The following EPHA10 variants were observed in gnomAD, a reference collection of about 807,000 sequenced individuals.
EPHA10 encodes the protein ephrin type-A receptor 10.
In EPHA10, 120 loss-of-function variants were observed where a neutral mutation model predicts 109.7. That is an observed-to-expected ratio of 1.09 (90% CI 0.94 to 1.27). The LOEUF (loss-of-function observed/expected upper bound fraction) is 1.27. Among genes scored for constraint, EPHA10 ranks in the 50% most tolerant of loss-of-function variants. EPHA10 has a pLI of 0.00. For missense variants in EPHA10, 1,396 were observed against 1,411.1 expected (o/e 0.99, Z 0.17); for synonymous variants, 640 against 618.9 (o/e 1.03, Z -0.51).
Position 37,762,845 on chromosome 1 carries a change from G to T in EPHA10, c.111C>A (p.Ile37=), listed in dbSNP as rs1646444943. ...PWRPGTAEEV[I]LLDSKASQAE... ...CCTGGGAGGCTTTGGAATCCAGGAG[G>T]ATAACTAAGGAGAGGGGAAGACAGA... Residue 37 remains isoleucine (I), a synonymous_variant, in exon 2 of 17, where the codon ATC becomes ATA. Transcript: ENST00000373048. The T allele has an allele frequency of 1.3e-6, 2 of 1,551,882 alleles. No individual in the cohort carries two copies. The highest frequency in any genetic ancestry group is 1.4e-5 in the African/African-American group (1 of 73,132).
At chr1:37,759,126 T>C (rs1646412466) in intron 3 of EPHA10, among the ~76,000 whole-genome samples, 1 of 152,198 alleles carries the variant, frequency 6.6e-6, no homozygotes, top group African/African-American at 2.4e-5. Context: ...AATCCTTTCT[T>C]TGCAATTGCA....
chr1:37,718,336 C>T lies in EPHA10; in HGVS notation c.*36G>A. The stretch of plus-strand genomic sequence containing the variant: ...TTGGGCAGGGCTGGGGGACTGGACC[C>T]CCACCGGAGTCCTGCCTTGGAAGAA... On this transcript the variant is annotated 3_prime_UTR_variant, in exon 17 of 17. Transcript: ENST00000373048. The T allele has an allele frequency of 6.5e-7, 1 of 1,539,722 alleles. No homozygotes were observed. The highest frequency in any genetic ancestry group is 8.8e-7 in the Non-Finnish European group (1 of 1,131,942).
intron 5 of EPHA10, among the ~76,000 whole-genome samples, chr1:37,749,146 C>A (rs916320578): frequency 6.6e-6 from 1 of 150,934 alleles, no homozygotes; most frequent in Admixed American, 6.6e-5. Context: ...CTGGCTCAAA[C>A]TCCTGACCTC....
chr1:37,723,458 C>A, intron 8 of EPHA10, 86 bp from the exon 9 acceptor site: 2 of 1,463,264 alleles, frequency 1.4e-6, no homozygotes, highest in East Asian at 2.3e-5. Flanking sequence ...CCTCTTTGTC[C>A]CTTCAAAAGA....
Position 37,741,402 on chromosome 1 carries a change from C to T in EPHA10, c.1358-6012G>A, listed in dbSNP as rs978068418. Among the ~76,000 whole-genome samples the T allele has an allele frequency of 3.9e-5, 6 of 152,180 alleles. No homozygotes were observed. The East Asian group carries it at 7.7e-4, about 20-fold the overall frequency. ...TAGTAATAAAGCAAGAAAGTGGAAA[C>T]GGAGTAGGTGGCTCAGGCTCTGACA... On this transcript the variant is annotated intron_variant, in intron 5 of 16. Coordinates refer to ENST00000373048, the MANE Select transcript of EPHA10 (RefSeq NM_001099439.2).
At chr1:37,746,732 G>C (rs959203874) in intron 5 of EPHA10, among the ~76,000 whole-genome samples, 12 of 152,164 alleles carry the variant, frequency 7.9e-5, no homozygotes, top group African/African-American at 2.7e-4. Flanking sequence ...ATCAACTGAT[G>C]AATGGATAAG....
chr1:37,714,197 C>T (rs1645660666), downstream of EPHA10: 1 of 152,240 alleles, frequency 6.6e-6, no homozygotes, highest in Admixed American at 6.5e-5. Context: ...TTGCCCTAAG[C>T]ACTTTGCATG....
chr1:37,719,341 G>T, intron 15 of EPHA10, 73 bp downstream of exon 15: 1 of 1,535,710 alleles, frequency 6.5e-7, no homozygotes, highest in Non-Finnish European at 8.9e-7. Flanking sequence ...GAGGCGGTGG[G>T]TTTGCACTTG....
Position 37,717,686 on chromosome 1 carries a change from G to A in EPHA10, c.*686C>T, listed in dbSNP as rs2148299843. On this transcript the variant is annotated 3_prime_UTR_variant, in exon 17 of 17. Transcript: ENST00000373048. ...CCAGGGCCTCTCATGGCCCGGCCTGGCCAGGACTTTTGGCCTCACCCTGAA... is the reference window on the plus strand; with the variant it reads ...CCAGGGCCTCTCATGGCCCGGCCTGACCAGGACTTTTGGCCTCACCCTGAA... 4.3e-6 allele frequency: 1 copy of A among 231,536 alleles called. No homozygotes were observed. The highest frequency in any genetic ancestry group is 8.5e-6 in the Non-Finnish European group (1 of 117,034). 14.3% of individuals were successfully genotyped at this position (231,536 alleles called of 1,614,324 possible). A position where few individuals can be genotyped will look rare whatever the true frequency, so the allele number is the denominator to read the frequency against.
rs899546081 is a variant in EPHA10, at chr1:37,754,214, C to G, written c.1006+1G>C. 14 of 1,291,664 alleles carry G rather than the reference C, an allele frequency of 1.1e-5. No individual in the cohort carries two copies. The highest frequency in any genetic ancestry group is 9.9e-6 in the Non-Finnish European group (10 of 1,012,754). 80.0% of individuals were successfully genotyped at this position (1,291,664 alleles called of 1,614,324 possible). ...CAGTGCAGCCTGGAGGGGGGACTCA[C>G]GGGTGCAGGAAGCCGAGGGCGGGTC... On this transcript the variant is annotated splice_donor_variant, in intron 4 of 16. Transcript: ENST00000373048. LOFTEE classifies it high-confidence loss of function. The surrounding 1 kb of genome is among the most constrained non-coding windows in gnomAD (Gnocchi z 4.5).
rs774992843 is a variant in EPHA10, at chr1:37,719,567, G to A, written c.2603C>T (p.Pro868Leu). 6.2e-6 allele frequency: 10 copies of A among 1,613,678 alleles called. No individual in the cohort carries two copies. The highest frequency in any genetic ancestry group is 1.3e-5 in the African/African-American group (1 of 74,876). ...AVEDGFRLPP[P>L]RNCPNLLHRL... ...GTGCAGAAGGTTAGGACAGTTCCTG[G>A]GGGGTGGCAGCCGGAAGCCATCCTC... The change falls in exon 15 of 17, where the codon CCC (proline) becomes CTC (leucine). Residue 868 changes from proline to leucine, a missense_variant. Pro to Leu is a moderately conservative substitution (Grantham distance 98). Transcript: ENST00000373048.
downstream of EPHA10, among the ~76,000 whole-genome samples, chr1:37,714,264 C>T (rs770476144): frequency 2.4e-4 from 36 of 152,144 alleles, no homozygotes; most frequent in Non-Finnish European, 4.6e-4. Flanking sequence ...CATGAATGGC[C>T]CGGGCCAGGG....
Position 37,754,559 on chromosome 1 carries a change from C to T in EPHA10, c.851-189G>A, listed in dbSNP as rs1646377412. On this transcript the variant is annotated intron_variant, in intron 3 of 16. Coordinates refer to ENST00000373048, the MANE Select transcript of EPHA10 (RefSeq NM_001099439.2). This position sits in a 1 kb window ranked among gnomAD's most constrained non-coding sequence, Gnocchi z 4.5. ...ACCCATTACCTACCCTTAGAAAACG[C>T]TGTGTGTTCGGAAAACTTTGAAACA... is the stretch of plus-strand genomic sequence containing the variant. 6.6e-6 allele frequency among the ~76,000 whole-genome samples: 1 copy of T among 152,142 alleles called. No homozygotes were observed. Among genetic ancestry groups the T allele is most frequent in the African/African-American group, 2.4e-5 (1 of 41,442 alleles).
At position 37,764,860 on chromosome 1, in the gene EPHA10, G is replaced by C; in HGVS notation, c.106+101C>G. On this transcript the variant is annotated intron_variant, in intron 1 of 16. Coordinates refer to ENST00000373048, the MANE Select transcript of EPHA10 (RefSeq NM_001099439.2). This position sits in a 1 kb window ranked among gnomAD's most constrained non-coding sequence, Gnocchi z 5.8. ...CCTGCTTGCTTCAAGCCCCAATACA[G>C]ACTCTAGTCTCTCCAATGACTCCTT... 3 of 1,041,448 alleles carry C rather than the reference G, an allele frequency of 2.9e-6. No homozygotes were observed. Among genetic ancestry groups the C allele is most frequent in the Non-Finnish European group, 4.2e-6 (3 of 716,960 alleles). 64.5% of individuals were successfully genotyped at this position (1,041,448 alleles called of 1,614,324 possible).
chr1:37,718,323 G>T lies in EPHA10; in HGVS notation c.*49C>A. The stretch of plus-strand genomic sequence containing the variant: ...CTTGCCACGGTCCTTGGGCAGGGCT[G>T]GGGGACTGGACCCCCACCGGAGTCC... On this transcript the variant is annotated 3_prime_UTR_variant, in exon 17 of 17. Coordinates refer to ENST00000373048, the MANE Select transcript of EPHA10 (RefSeq NM_001099439.2). 1.4e-6 allele frequency: 2 copies of T among 1,481,316 alleles called. No homozygotes were observed. The highest frequency in any genetic ancestry group is 1.3e-5 in the South Asian group (1 of 79,822). 91.8% of individuals were successfully genotyped at this position (1,481,316 alleles called of 1,614,324 possible).
Position 37,719,715 on chromosome 1 carries a change from C to G in EPHA10, c.2563-108G>C, listed in dbSNP as rs540944109. 1.2e-5 allele frequency: 17 copies of G among 1,425,972 alleles called. No homozygotes were observed. In the South Asian group the frequency reaches 2.0e-4, roughly 17 times the overall value. The allele number at this position is 1,425,972 out of a possible 1,614,324, so 88.3% of individuals were successfully genotyped here. A position where few individuals can be genotyped will look rare whatever the true frequency, so the allele number is the denominator to read the frequency against. Reference sequence around the variant, plus strand: ...AGACACAGACACACACACACACATGCGCACACACAGACACAGACACACACA... The same window carrying G: ...AGACACAGACACACACACACACATGGGCACACACAGACACAGACACACACA... On this transcript the variant is annotated intron_variant, in intron 14 of 16. Coordinates refer to ENST00000373048, the MANE Select transcript of EPHA10 (RefSeq NM_001099439.2).
rs201166626 is a variant in EPHA10, at chr1:37,739,164, T to TA, written c.1358-3775dup. On this transcript the variant is annotated intron_variant, in intron 5 of 16. Coordinates refer to ENST00000373048, the MANE Select transcript of EPHA10 (RefSeq NM_001099439.2). ...TTAAAGTATAATAATAAAAAAGAGT[T>TA]AAAAAAAAGAAAAGAAAAAAGAATA... is the stretch of plus-strand genomic sequence containing the variant. 2.4e-3 allele frequency among the ~76,000 whole-genome samples: 367 copies of TA among 150,376 alleles called. 4 individuals are homozygous for TA. The highest frequency in any genetic ancestry group is 0.011 in the East Asian group (55 of 5,118).
Position 37,727,196 on chromosome 1 carries a change from T to C in EPHA10, c.1678A>G (p.Arg560Gly), listed in dbSNP as rs1645907431. 3 of 1,605,506 alleles carry C rather than the reference T, an allele frequency of 1.9e-6. No individual in the cohort carries two copies. Among genetic ancestry groups the C allele is most frequent in the Admixed American group, 3.4e-5 (2 of 58,746 alleles). Residue 560 changes from arginine to glycine, a missense_variant, in exon 8 of 17, where the codon AGG becomes GGG. Physicochemically the swap from Arg to Gly is moderately radical, Grantham distance 125. Coordinates refer to ENST00000373048, the MANE Select transcript of EPHA10 (RefSeq NM_001099439.2). ...ACGACAATGGCGGGGCTCTGGTCCCTGGACCCTGAGGCAGCTGGGAGGAAA... is the reference window on the plus strand; with the variant it reads ...ACGACAATGGCGGGGCTCTGGTCCCCGGACCCTGAGGCAGCTGGGAGGAAA... ...QTLGEAASGS[R>G]DQSPAIVVTV...
intron 3 of EPHA10, among the ~76,000 whole-genome samples, chr1:37,759,568 A>G (rs1646415209): frequency 6.6e-6 from 1 of 152,158 alleles, no homozygotes; most frequent in African/African-American, 2.4e-5. Context: ...CACCTACCGT[A>G]TGCCTTATCC....
Sources: gnomAD v4.1 joint callset for allele counts (sites outside exome capture counted in the v4.1 genomes callset) on GRCh38, gnomAD v4.1.1 for gene constraint, Gnocchi (gnomAD v3.1) non-coding constraint, MANE v1.5 for transcripts, NCBI Gene and HGNC (gene_info 2026-07-23, HGNC 2026-07-21) for gene names.